The following LRR1 variants were observed in gnomAD, a reference collection of about 807,000 sequenced individuals.
The protein encoded by LRR1 is leucine rich repeat protein 1, also known as leucine-rich repeat protein 1.
In LRR1, 29 loss-of-function variants were observed where a neutral mutation model predicts 31.6. That is an observed-to-expected ratio of 0.92 (90% confidence interval 0.68 to 1.25). LRR1 has a LOEUF of 1.25. LRR1 is among the 50% of genes most tolerant of loss of function. The pLI is 0.00. For missense variants in LRR1, 485 were observed against 487.2 expected (o/e 1.00, Z 0.04); for synonymous variants, 179 against 181.4 (o/e 0.99, Z 0.10).
intron 3 of LRR1, among the ~76,000 whole-genome samples, chr14:49,610,558 G>T (rs867792756): frequency 6.6e-6 from 1 of 150,626 alleles, no homozygotes; most frequent in South Asian, 2.1e-4. Context: ...CCCAGCCATT[G>T]TTCAGGTTGC....
chr14:49,606,649 AT>A (rs58159657), intron 2 of LRR1, among the ~76,000 whole-genome samples: 70,423 of 145,104 alleles, frequency 0.49, 17,382 homozygotes, highest in Middle Eastern at 0.58. Flanking sequence ...TTAAACTCAA[AT>A]TTTTTTTTTT....
intron 3 of LRR1, chr14:49,612,608 T>C (rs1882552920): frequency 1.8e-6 from 2 of 1,111,730 alleles, no homozygotes; most frequent in South Asian, 2.1e-5. Flanking sequence ...AGGGCCATCC[T>C]AGATCCCGTA....
intron 1 of LRR1, chr14:49,601,104 A>G (rs1176675054): frequency 1.6e-5 from 26 of 1,611,222 alleles, no homozygotes; most frequent in South Asian, 6.6e-5. Flanking sequence ...CTCCAAGCGT[A>G]CAGGAGATGG....
Position 49,607,597 on chromosome 14 carries a change from G to T in LRR1, c.480G>T (p.Gln160His), listed in dbSNP as rs762192868. The change falls in exon 3 of 4, where the codon CAG (glutamine) becomes CAT (histidine). Residue 160 changes from glutamine to histidine, a missense_variant. By Grantham distance (24) the Gln-to-His change is conservative (BLOSUM62 0). Around this residue, in one of 3 missense-constraint regions of LRR1, gnomAD observed 260 missense variants for 249.6 expected, o/e 1.04. Transcript: ENST00000298288. ...KNFPYSLEHLQTSYCGLVRVD... is the reference protein window; with the variant it reads ...KNFPYSLEHLHTSYCGLVRVD... ...TTCCATATTCCTTGGAACATCTTCAGACTTCTTACTGTGGGCTTGTCCGAG... is the reference window on the plus strand; with the variant it reads ...TTCCATATTCCTTGGAACATCTTCATACTTCTTACTGTGGGCTTGTCCGAG... The T allele has an allele frequency of 2.5e-6, 4 of 1,614,178 alleles. No individual in the cohort carries two copies. Among genetic ancestry groups the T allele is most frequent in the East Asian group, 4.5e-5 (2 of 44,884 alleles).
At chr14:49,606,127 A>C (rs183816767) in intron 2 of LRR1, among the ~76,000 whole-genome samples, 76 of 148,248 alleles carry the variant, frequency 5.1e-4, no homozygotes, top group African/African-American at 1.9e-3. Flanking sequence ...CCCAGTTTCA[A>C]GCAACTCTCC....
At chr14:49,610,030 C>A (rs1882454136) in intron 3 of LRR1, among the ~76,000 whole-genome samples, 1 of 152,138 alleles carries the variant, frequency 6.6e-6, no homozygotes, top group African/African-American at 2.4e-5. Flanking sequence ...TGAGCCACCA[C>A]ACCTGACCTA....
rs920495749 is a variant in LRR1 at position 49,608,259 on chromosome 14, CTTACCTCTGCTTAGAATGATT to C, written c.1004+141_1004+161del. Reference sequence around the variant, plus strand: ...CTTTGCTATAATGGTCTTCTTGTTCCTTACCTCTGCTTAGAATGATTTTTCTCCAGGAAGTCTCATTGCTCA... The same window carrying C: ...CTTTGCTATAATGGTCTTCTTGTTCCTTTCTCCAGGAAGTCTCATTGCTCA... On this transcript the variant is annotated intron_variant, in intron 3 of 3. Transcript: ENST00000298288. The C allele has an allele frequency of 2.7e-5, 24 of 875,716 alleles. No individual in the cohort carries two copies. In the African/African-American group the frequency reaches 3.9e-4, roughly 14 times the overall value. The allele number at this position is 875,716 out of a possible 1,614,324, so 54.2% of individuals were successfully genotyped here.
rs1390451959 is a variant in LRR1 at position 49,607,799 on chromosome 14, C to T, written c.682C>T (p.Leu228Phe). Residue 228 changes from leucine (L) to phenylalanine (F), a missense_variant, in exon 3 of 4, where the codon CTT (leucine) becomes TTT (phenylalanine). This residue lies in a region of LRR1 where 15 missense variants were observed against 37.2 expected (regional missense o/e 0.40). Coordinates refer to ENST00000298288, the MANE Select transcript of LRR1 (RefSeq NM_152329.4). Reference sequence around the variant, plus strand: ...GTGTCATTCTACACTCCAGAAGTCACTTCGGAGTTTGGACCTCAGCAAGAA... The same window carrying T: ...GTGTCATTCTACACTCCAGAAGTCATTTCGGAGTTTGGACCTCAGCAAGAA... ...ALCHSTLQKS[L>F]RSLDLSKNKI... The T allele has an allele frequency of 1.9e-6, 3 of 1,614,172 alleles. No homozygotes were observed. Among genetic ancestry groups the T allele is most frequent in the Non-Finnish European group, 2.5e-6 (3 of 1,180,014 alleles).
intron 1 of LRR1, among the ~76,000 whole-genome samples, chr14:49,601,816 TAAAAA>T (rs11319854): frequency 2.2e-5 from 2 of 90,746 alleles, no homozygotes; most frequent in South Asian, 4.5e-4. Context: ...TCCCAACTGC[TAAAAA>T]AAAAAAAAAA....
chr14:49,614,014 T>A (rs143819231), intron 3 of LRR1, among the ~76,000 whole-genome samples: 1 of 152,312 alleles, frequency 6.6e-6, no homozygotes, highest in African/African-American at 2.4e-5. Flanking sequence ...AGAGCCTATT[T>A]AAAGGACAGG....
At chr14:49,600,217 C>A in intron 1 of LRR1, 4 of 1,486,888 alleles carry the variant, frequency 2.7e-6, no homozygotes, top group Non-Finnish European at 3.8e-6. Context: ...CATCTGAGGC[C>A]TTTATCTTAC....
Position 49,599,192 on chromosome 14 carries a change from A to G in LRR1, c.172A>G (p.Thr58Ala), listed in dbSNP as rs1471127761. Residue 58 changes from threonine (T) to alanine (A), a missense_variant, in exon 1 of 4, where the codon ACC (threonine) becomes GCC (alanine). By Grantham distance (58) the Thr-to-Ala change is moderately conservative. Around this residue, in one of 3 missense-constraint regions of LRR1, gnomAD observed 260 missense variants for 249.6 expected, o/e 1.04. Coordinates refer to ENST00000298288, the MANE Select transcript of LRR1 (RefSeq NM_152329.4). ...LISTLKDKRGTRYELRENIEQ... is the reference protein window; with the variant it reads ...LISTLKDKRGARYELRENIEQ... ...CTCCACCCTGAAGGACAAGCGCGGG[A>G]CCCGCTATGAGGTGCGTGAAGTGGG... 6.2e-7 allele frequency: 1 copy of G among 1,606,156 alleles called. No individual in the cohort carries two copies. Among genetic ancestry groups the G allele is most frequent in the Admixed American group, 1.7e-5 (1 of 58,672 alleles).
At chr14:49,600,735 C>G (rs1281332789) in intron 1 of LRR1, 21 of 929,060 alleles carry the variant, frequency 2.3e-5, no homozygotes, top group Non-Finnish European at 3.2e-5. Flanking sequence ...AAAACAAAAC[C>G]TGTCCTCAGA....
intron 3 of LRR1, chr14:49,612,686 A>T (rs765656325): frequency 1.8e-5 from 18 of 989,590 alleles, no homozygotes; most frequent in Non-Finnish European, 2.2e-5. Context: ...AGGGTTTTAA[A>T]CTCTCATTTT....
chr14:49,604,055 C>A (rs1166424401), intron 2 of LRR1, among the ~76,000 whole-genome samples: 1 of 150,224 alleles, frequency 6.7e-6, no homozygotes, highest in Non-Finnish European at 1.5e-5. Flanking sequence ...GTAATCCCAG[C>A]ACTTTGGAAG....
At position 49,613,188 on chromosome 14, in the gene LRR1, A is replaced by C. The variant is rs188947144; in HGVS notation, c.1005-1068A>C. Among the ~76,000 whole-genome samples, 1,466 of 151,700 alleles carry C rather than the reference A, an allele frequency of 9.7e-3. 22 individuals carry two copies. The highest frequency in any genetic ancestry group is 0.034 in the African/African-American group (1,397 of 41,290). ...CCCTGCCTCTACTAAAAATACAAAAAATTAGCCAGGCGTGGTGGCGGGCAC... is the reference window on the plus strand; with the variant it reads ...CCCTGCCTCTACTAAAAATACAAAACATTAGCCAGGCGTGGTGGCGGGCAC... On this transcript the variant is annotated intron_variant, in intron 3 of 3. Transcript: ENST00000298288.
At chr14:49,600,149 G>A (rs1263712678) in intron 1 of LRR1, 1 of 1,524,052 alleles carries the variant, frequency 6.6e-7, no homozygotes. Context: ...GCGTCACCGT[G>A]GGGGGCAAGC....
chr14:49,602,848 G>GTTTC (rs1205121637), intron 2 of LRR1, among the ~76,000 whole-genome samples: 1 of 151,768 alleles, frequency 6.6e-6, no homozygotes, highest in African/African-American at 2.4e-5. Context: ...TTGTTTGTTT[G>GTTTC]TTTTGAGACG....
chr14:49,607,416 T>G lies in LRR1; in HGVS notation c.299T>G (p.Leu100Ter). The change falls in exon 3 of 4, where the codon TTA (leucine) becomes TGA (stop). Residue 100 changes from leucine (L) to a stop codon, truncating the protein, a stop_gained. Coordinates refer to ENST00000298288, the MANE Select transcript of LRR1 (RefSeq NM_152329.4). LOFTEE classifies it high-confidence loss of function. ...ICLSKAISSS[L>*]KGFLSAMRLA... ...TTTATTCAGGCCATTTCCAGCAGTTTAAAAGGTTTCCTTTCAGCTATGAGA... is the reference window on the plus strand; with the variant it reads ...TTTATTCAGGCCATTTCCAGCAGTTGAAAAGGTTTCCTTTCAGCTATGAGA... The G allele has an allele frequency of 6.3e-7, 1 of 1,575,304 alleles. No homozygotes were observed. The highest frequency in any genetic ancestry group is 8.6e-7 in the Non-Finnish European group (1 of 1,164,438).
Sources: gnomAD v4.1 joint callset for allele counts (sites outside exome capture counted in the v4.1 genomes callset) on GRCh38, gnomAD v4.1.1 for gene constraint, gnomAD v4.1.1 regional missense constraint, MANE v1.5 for transcripts, NCBI Gene and HGNC (gene_info 2026-07-23, HGNC 2026-07-21) for gene names.